The following PMM2 variants were observed in gnomAD, a reference collection of about 807,000 sequenced individuals.
PMM2 encodes the protein phosphomannomutase 2.
In PMM2, 35 loss-of-function variants were observed where a neutral mutation model predicts 33.2. The observed-to-expected ratio is 1.06, with a 90% CI of 0.81 to 1.40. PMM2 has a LOEUF of 1.40. PMM2 is among the 40% of genes most tolerant of loss of function. The pLI, the probability that PMM2 is intolerant of heterozygous loss-of-function variation, is 0.00. For synonymous variants in PMM2, 153 were observed against 114.7 expected (o/e 1.33, Z -2.13); for missense variants, 386 against 306.0 (o/e 1.26, Z -1.95).
chr16:8,818,186 G>A (rs1203013517), intron 7 of PMM2, among the ~76,000 whole-genome samples: 1 of 150,534 alleles, frequency 6.6e-6, no homozygotes, highest in Admixed American at 6.7e-5. Context: ...ACAGGCGTGA[G>A]CCACTGCGCC....
intron 7 of PMM2, among the ~76,000 whole-genome samples, chr16:8,828,584 C>T (rs770656018): frequency 6.6e-6 from 1 of 152,032 alleles, no homozygotes; most frequent in Non-Finnish European, 1.5e-5. Flanking sequence ...CTCTGGATGC[C>T]GGAGACCAAA....
intron 7 of PMM2, among the ~76,000 whole-genome samples, chr16:8,846,932 C>T (rs904590494): frequency 2.6e-4 from 39 of 152,220 alleles, no homozygotes; most frequent in Middle Eastern, 3.4e-3. Context: ...GGTGCGATCT[C>T]GGCTTACTGC....
chr16:8,840,924 C>CT (rs1464080652), intron 7 of PMM2, among the ~76,000 whole-genome samples: 1 of 151,956 alleles, frequency 6.6e-6, no homozygotes, highest in Non-Finnish European at 1.5e-5. Context: ...GTCTAGCCTG[C>CT]TGGAGGACTG....
chr16:8,839,309 T>C (rs1442930432), intron 7 of PMM2, among the ~76,000 whole-genome samples: 2 of 151,914 alleles, frequency 1.3e-5, no homozygotes, highest in East Asian at 1.9e-4. Context: ...GAAGAGACCT[T>C]GTGCGAGGCA....
intron 7 of PMM2, among the ~76,000 whole-genome samples, chr16:8,823,868 T>C (rs974554218): frequency 3.9e-5 from 6 of 152,210 alleles, no homozygotes; most frequent in African/African-American, 1.4e-4. Flanking sequence ...GGGACTTCTA[T>C]TGGCTCTGTT....
At chr16:8,827,123 C>T (rs1306959347) in intron 7 of PMM2, among the ~76,000 whole-genome samples, 1 of 152,082 alleles carries the variant, frequency 6.6e-6, no homozygotes, top group East Asian at 1.9e-4. Flanking sequence ...AGGGGTCTGT[C>T]TGCTTACACT....
At chr16:8,821,014 C>T (rs1195209128) in intron 7 of PMM2, among the ~76,000 whole-genome samples, 1 of 152,024 alleles carries the variant, frequency 6.6e-6, no homozygotes, top group East Asian at 1.9e-4. Flanking sequence ...CTGGACTTAA[C>T]CATGCCTAGC....
intron 7 of PMM2, among the ~76,000 whole-genome samples, chr16:8,837,777 G>T (rs1436472832): frequency 1.3e-5 from 2 of 152,026 alleles, no homozygotes; most frequent in African/African-American, 2.4e-5. Flanking sequence ...ACCAAGGCAG[G>T]CGTCCCTGCA....
At chr16:8,803,049 G>A (rs2060625076) in intron 2 of PMM2, among the ~76,000 whole-genome samples, 1 of 152,068 alleles carries the variant, frequency 6.6e-6, no homozygotes, top group Non-Finnish European at 1.5e-5. Flanking sequence ...CCCACTAGAT[G>A]CCCACAGCAT....
intron 7 of PMM2, among the ~76,000 whole-genome samples, chr16:8,826,654 G>A (rs1440590390): frequency 6.6e-6 from 1 of 152,080 alleles, no homozygotes; most frequent in African/African-American, 2.4e-5. Flanking sequence ...CATTAGAGTT[G>A]CTATTTCTTT....
intron 4 of PMM2, 51 bp downstream of exon 4, chr16:8,806,458 C>T (rs1401440392): frequency 9.2e-7 from 1 of 1,090,882 alleles, no homozygotes; most frequent in Non-Finnish European, 1.4e-6. Flanking sequence ...CGTAGTGTCA[C>T]ATGGTGGGCT....
intron 7 of PMM2, among the ~76,000 whole-genome samples, chr16:8,846,712 G>A (rs892299255): frequency 2.0e-5 from 3 of 152,154 alleles, no homozygotes; most frequent in Non-Finnish European, 4.4e-5. Context: ...TGGCCACAGA[G>A]CTGTGAGCAA....
chr16:8,835,649 C>G (rs1396372766), intron 7 of PMM2, among the ~76,000 whole-genome samples: 1 of 151,960 alleles, frequency 6.6e-6, no homozygotes, highest in Non-Finnish European at 1.5e-5. Flanking sequence ...TAAGCCTTGT[C>G]TGGTTTTAGG....
At chr16:8,845,973 C>A (rs987176192) in intron 7 of PMM2, among the ~76,000 whole-genome samples, 2 of 152,122 alleles carry the variant, frequency 1.3e-5, no homozygotes, top group African/African-American at 4.8e-5. Context: ...ATTACCAGAA[C>A]TGATTTCACA....
chr16:8,799,469 T>G (rs1447532595), intron 1 of PMM2, among the ~76,000 whole-genome samples: 1 of 152,186 alleles, frequency 6.6e-6, no homozygotes, highest in South Asian at 2.1e-4. Flanking sequence ...ATTTCCTATC[T>G]GTGCTAAGGT....
At chr16:8,843,736 T>A (rs1183244896) in intron 7 of PMM2, among the ~76,000 whole-genome samples, 6 of 152,180 alleles carry the variant, frequency 3.9e-5, no homozygotes, top group Non-Finnish European at 7.3e-5. Flanking sequence ...AGGGCCAGAT[T>A]CTAATTTTTG....
intron 7 of PMM2, among the ~76,000 whole-genome samples, chr16:8,833,110 C>T (rs965425463): frequency 1.9e-4 from 29 of 152,202 alleles, no homozygotes; most frequent in Non-Finnish European, 4.1e-4. Context: ...TTTTTTTCAC[C>T]TGGGTGCAGG....
intron 7 of PMM2, among the ~76,000 whole-genome samples, chr16:8,835,381 G>T (rs182403972): frequency 7.2e-5 from 11 of 152,150 alleles, no homozygotes; most frequent in Admixed American, 2.6e-4. Context: ...AGTAGTGGGG[G>T]CTGTCTGTGA....
chr16:8,827,719 C>CATAT (rs60052078), intron 7 of PMM2, among the ~76,000 whole-genome samples: 1,214 of 66,518 alleles, frequency 0.018, 10 homozygotes, highest in African/African-American at 0.021. Flanking sequence ...TAAATGTGTG[C>CATAT]ATATATATAT....
Sources: gnomAD v4.1 joint callset for allele counts (sites outside exome capture counted in the v4.1 genomes callset) on GRCh38, gnomAD v4.1.1 for gene constraint, MANE v1.5 for transcripts, NCBI Gene and HGNC (gene_info 2026-07-23, HGNC 2026-07-21) for gene names.